RETREG1: variants seen among roughly 807,000 people sequenced by gnomAD.
RETREG1 encodes the protein family with sequence similarity 134 member B.
Under a neutral mutation model 54.8 loss-of-function variants are expected in RETREG1, and 44 were observed. That is an observed-to-expected ratio of 0.80 (90% CI 0.63 to 1.03). The LOEUF is 1.03. RETREG1 is among the 50% of genes least tolerant of loss of function. RETREG1 has a pLI of 0.00. For synonymous variants in RETREG1, 217 were observed against 238.5 expected, an observed-to-expected ratio of 0.91 and a Z score of 0.83; for missense variants, 554 against 605.1, an observed-to-expected ratio of 0.92 and a Z score of 0.89.
chr5:16,558,013 T>A (rs1260703208), intron 3 of RETREG1, among the ~76,000 whole-genome samples: 3 of 150,828 alleles, frequency 2.0e-5, no homozygotes, highest in African/African-American at 7.3e-5. Flanking sequence ...GTTATAAAAG[T>A]GAGTTTGAGA....
At chr5:16,599,954 C>A (rs1043203813) in intron 1 of RETREG1, among the ~76,000 whole-genome samples, 2 of 152,106 alleles carry the variant, frequency 1.3e-5, no homozygotes, top group African/African-American at 4.8e-5. Context: ...CCCAAAAGCA[C>A]GTCCCCCTGA....
intron 3 of RETREG1, among the ~76,000 whole-genome samples, chr5:16,556,423 G>A (rs1468149154): frequency 1.3e-5 from 2 of 152,072 alleles, no homozygotes; most frequent in African/African-American, 4.8e-5. Context: ...GCCTCCCAAA[G>A]TGCTGGAATT....
At chr5:16,573,731 G>GTTTTTT (rs1454072189) in intron 1 of RETREG1, among the ~76,000 whole-genome samples, 70 of 109,878 alleles carry the variant, frequency 6.4e-4, no homozygotes, top group Non-Finnish European at 1.3e-3. Context: ...TTTTGGGTTT[G>GTTTTTT]TTTGTTTTTT....
intron 3 of RETREG1, among the ~76,000 whole-genome samples, chr5:16,488,458 C>T (rs1488150932): frequency 1.3e-5 from 2 of 152,108 alleles, no homozygotes; most frequent in African/African-American, 4.8e-5. Context: ...AAAAGGAGAT[C>T]CAAGGGGCCA....
chr5:16,533,442 A>G (rs1551050), intron 3 of RETREG1, among the ~76,000 whole-genome samples: 34,694 of 152,152 alleles, frequency 0.23, 4,205 homozygotes, highest in East Asian at 0.39. Flanking sequence ...TCCCAGGAGA[A>G]ATGCCATATT....
intron 3 of RETREG1, among the ~76,000 whole-genome samples, chr5:16,517,244 A>C (rs1740389636): frequency 1.3e-5 from 2 of 152,126 alleles, no homozygotes; most frequent in Non-Finnish European, 2.9e-5. Context: ...CAAAAATGCA[A>C]ATCCATTCCA....
intron 3 of RETREG1, among the ~76,000 whole-genome samples, chr5:16,486,711 G>T (rs1410061489): frequency 6.6e-6 from 1 of 152,152 alleles, no homozygotes; most frequent in African/African-American, 2.4e-5. Flanking sequence ...TGGCAATTCA[G>T]AATGAGAAGG....
At chr5:16,497,043 T>C (rs941100381) in intron 3 of RETREG1, among the ~76,000 whole-genome samples, 14 of 152,112 alleles carry the variant, frequency 9.2e-5, no homozygotes, top group Non-Finnish European at 2.9e-5. Flanking sequence ...GTGATGAAAA[T>C]CACCAATTCT....
At chr5:16,511,787 T>C (rs2126568525) in intron 3 of RETREG1, among the ~76,000 whole-genome samples, 1 of 152,052 alleles carries the variant, frequency 6.6e-6, no homozygotes, top group East Asian at 1.9e-4. Flanking sequence ...AAACTTAGAA[T>C]CATGGTGGAG....
intron 3 of RETREG1, among the ~76,000 whole-genome samples, chr5:16,542,618 C>T (rs1741281974): frequency 6.6e-6 from 1 of 152,142 alleles, no homozygotes; most frequent in Non-Finnish European, 1.5e-5. Flanking sequence ...TACTAGGAAT[C>T]TATAAGGCAT....
chr5:16,551,251 G>GT (rs1473239065), intron 3 of RETREG1, among the ~76,000 whole-genome samples: 2 of 151,824 alleles, frequency 1.3e-5, no homozygotes, highest in East Asian at 3.9e-4. Flanking sequence ...CTTGAATTTG[G>GT]TTTTTCACTC....
At chr5:16,556,282 C>T (rs1340063608) in intron 3 of RETREG1, among the ~76,000 whole-genome samples, 7 of 151,858 alleles carry the variant, frequency 4.6e-5, no homozygotes, top group Admixed American at 6.6e-5. Flanking sequence ...CCTCAGCCTC[C>T]GGAGCTGGGA....
chr5:16,535,194 G>A (rs1256237774), intron 3 of RETREG1, among the ~76,000 whole-genome samples: 3 of 152,060 alleles, frequency 2.0e-5, no homozygotes, highest in East Asian at 1.9e-4. Context: ...TTTTATAAAC[G>A]TACAGATTTT....
intron 1 of RETREG1, among the ~76,000 whole-genome samples, chr5:16,608,888 T>C (rs1238344725): frequency 2.0e-5 from 3 of 152,196 alleles, no homozygotes; most frequent in Admixed American, 1.3e-4. Flanking sequence ...TTCTGTAATA[T>C]TGAAAAAAGT....
intron 1 of RETREG1, among the ~76,000 whole-genome samples, chr5:16,572,689 T>C (rs256881): frequency 0.41 from 62,189 of 151,982 alleles, 12,839 homozygotes; most frequent in Admixed American, 0.44. Flanking sequence ...ATATTGCTCC[T>C]AGTGCTGGGC....
At chr5:16,563,689 T>C (rs1312783698) in intron 3 of RETREG1, among the ~76,000 whole-genome samples, 1 of 152,216 alleles carries the variant, frequency 6.6e-6, no homozygotes, top group Non-Finnish European at 1.5e-5. Flanking sequence ...GATTTGGTCT[T>C]AGAAGATGAC....
intron 1 of RETREG1, among the ~76,000 whole-genome samples, chr5:16,606,949 C>A (rs1344551239): frequency 6.6e-6 from 1 of 152,170 alleles, no homozygotes; most frequent in African/African-American, 2.4e-5. Context: ...GGCCTCCTTG[C>A]TGCCCTGCAA....
At chr5:16,563,309 G>A (rs909092992) in intron 3 of RETREG1, among the ~76,000 whole-genome samples, 3 of 152,116 alleles carry the variant, frequency 2.0e-5, no homozygotes, top group Non-Finnish European at 2.9e-5. Context: ...CCAGGCTGGA[G>A]TGCAGTGGCG....
At position 16,501,638 on chromosome 5, in the gene RETREG1, G is replaced by A. The variant is rs35852952; in HGVS notation, c.459-18166C>T. 7.2e-3 allele frequency among the ~76,000 whole-genome samples: 1,099 copies of A among 152,094 alleles called. 14 individuals are homozygous for A. Among genetic ancestry groups the A allele is most frequent in the Admixed American group, 0.013 (201 of 15,262 alleles). On this transcript the variant is annotated intron_variant, in intron 3 of 8. Transcript: ENST00000306320. ...GCTCACTGCAACCTCCGCCTCCCAG[G>A]TTCAGGCAATTCTTCTGCCTCAGCC... is the stretch of plus-strand genomic sequence containing the variant.
Sources: gnomAD v4.1 joint callset for allele counts (sites outside exome capture counted in the v4.1 genomes callset) on GRCh38, gnomAD v4.1.1 for gene constraint, MANE v1.5 for transcripts, NCBI Gene and HGNC (gene_info 2026-07-23, HGNC 2026-07-21) for gene names.